Variants in DOCK5 observed in about 807,000 individuals in gnomAD.
DOCK5 encodes dedicator of cytokinesis protein 5.
Under a neutral mutation model 251.8 loss-of-function variants are expected in DOCK5, and 142 were observed. The ratio of observed to expected loss-of-function variants is 0.56; its 90% CI spans 0.49 to 0.65. The LOEUF (loss-of-function observed/expected upper bound fraction) is 0.65, where lower values mean the gene tolerates loss of function less well. Among genes scored for constraint, DOCK5 ranks in the 30% least tolerant of loss-of-function variants. DOCK5 has a pLI of 0.00. For missense variants in DOCK5, 2,111 were observed against 2,312.3 expected (o/e 0.91, Z 1.79); for synonymous variants, 842 against 835.5 (o/e 1.01, Z -0.13).
intron 1 of DOCK5, among the ~76,000 whole-genome samples, chr8:25,229,472 C>A (rs1427895394): frequency 7.3e-6 from 1 of 137,476 alleles, no homozygotes; most frequent in Non-Finnish European, 1.7e-5. Context: ...CAAAGCTAGA[C>A]TCTGTATCAA....
chr8:25,264,171 T>C (rs1220956559), intron 2 of DOCK5, among the ~76,000 whole-genome samples: 2 of 151,560 alleles, frequency 1.3e-5, no homozygotes, highest in African/African-American at 4.9e-5. Context: ...GAGACCAGCC[T>C]GACAGCATGG....
chr8:25,358,115 A>C (rs533311648), intron 27 of DOCK5, among the ~76,000 whole-genome samples: 67 of 152,288 alleles, frequency 4.4e-4, no homozygotes, highest in African/African-American at 1.6e-3. Context: ...GTCCGTTCTC[A>C]TGCTGCTAAT....
chr8:25,259,046 G>T (rs918970267), intron 2 of DOCK5, among the ~76,000 whole-genome samples: 8 of 152,212 alleles, frequency 5.3e-5, no homozygotes, highest in African/African-American at 1.9e-4. Flanking sequence ...TTGAGCCCGG[G>T]GGGGCGGAGG....
chr8:25,363,585 A>T (rs2117271702), intron 29 of DOCK5, among the ~76,000 whole-genome samples: 1 of 152,332 alleles, frequency 6.6e-6, no homozygotes, highest in Admixed American at 6.5e-5. Flanking sequence ...CTTGCTTTAC[A>T]TATTTAAAAA....
intron 1 of DOCK5, among the ~76,000 whole-genome samples, chr8:25,241,444 C>T (rs922884082): frequency 6.6e-5 from 10 of 151,762 alleles, no homozygotes; most frequent in Non-Finnish European, 1.5e-4. Context: ...CTCCACTGCA[C>T]TCCAGCCTGG....
At chr8:25,260,201 G>T (rs139389700) in intron 2 of DOCK5, among the ~76,000 whole-genome samples, 1 of 151,814 alleles carries the variant, frequency 6.6e-6, no homozygotes, top group African/African-American at 2.4e-5. Flanking sequence ...GGATATGCCC[G>T]TGGAAACCTG....
At chr8:25,235,871 C>T (rs933747329) in intron 1 of DOCK5, among the ~76,000 whole-genome samples, 10 of 145,508 alleles carry the variant, frequency 6.9e-5, no homozygotes, top group Non-Finnish European at 3.0e-5. Context: ...GATCTCAGCT[C>T]ACTGCAACCT....
At chr8:25,260,838 C>T (rs1803558179) in intron 2 of DOCK5, among the ~76,000 whole-genome samples, 1 of 151,672 alleles carries the variant, frequency 6.6e-6, no homozygotes, top group South Asian at 2.1e-4. Flanking sequence ...CTCTGTTGCC[C>T]AGGCTGGAGT....
At chr8:25,267,820 G>A (rs774217937) in intron 2 of DOCK5, among the ~76,000 whole-genome samples, 2 of 152,018 alleles carry the variant, frequency 1.3e-5, no homozygotes, top group Non-Finnish European at 2.9e-5. Context: ...CTCTCCACAA[G>A]ATAGAGGGTT....
At chr8:25,377,538 C>T (rs1800985642) in intron 38 of DOCK5, 114 bp downstream of exon 38, 7 of 1,328,312 alleles carry the variant, frequency 5.3e-6, no homozygotes, top group Non-Finnish European at 7.0e-6. Flanking sequence ...GTTCAGGGCA[C>T]TGTCTCCAAC....
intron 5 of DOCK5, among the ~76,000 whole-genome samples, chr8:25,280,196 T>C (rs1213425590): frequency 2.0e-5 from 3 of 152,222 alleles, no homozygotes; most frequent in African/African-American, 4.8e-5. Context: ...GAATGTATAT[T>C]CTCTCGTTAG....
At position 25,412,216 on chromosome 8, in the gene DOCK5, T is replaced by A. The variant is rs996948636; in HGVS notation, c.*918T>A. 3 of 151,574 alleles carry A rather than the reference T, an allele frequency of 2.0e-5. No homozygotes were observed. The highest frequency in any genetic ancestry group is 4.4e-5 in the Non-Finnish European group (3 of 67,956). 9.4% of individuals were successfully genotyped at this position (151,574 alleles called of 1,614,324 possible). A position where few individuals can be genotyped will look rare whatever the true frequency, so the allele number is the denominator to read the frequency against. ...TGACTCAGCAGCCGCATCTGCTACC[T>A]GATTTTATCCTGGAGAATACAGTGC... On this transcript the variant is annotated 3_prime_UTR_variant, in exon 52 of 52. Coordinates refer to ENST00000276440, the MANE Select transcript of DOCK5 (RefSeq NM_024940.8).
chr8:25,194,012 A>G (rs1441572474), intron 1 of DOCK5, among the ~76,000 whole-genome samples: 1 of 151,710 alleles, frequency 6.6e-6, no homozygotes, highest in Non-Finnish European at 1.5e-5. Flanking sequence ...GAAGCCGGGC[A>G]TGGTGGCTCA....
intron 5 of DOCK5, among the ~76,000 whole-genome samples, chr8:25,285,147 T>A (rs1804299014): frequency 6.6e-6 from 1 of 150,422 alleles, no homozygotes; most frequent in South Asian, 2.1e-4. Flanking sequence ...GTGAATTTAT[T>A]ATTATTTTTT....
intron 1 of DOCK5, among the ~76,000 whole-genome samples, chr8:25,206,470 AT>A (rs1033979109): frequency 6.6e-6 from 1 of 152,220 alleles, no homozygotes; most frequent in Admixed American, 6.5e-5. Context: ...AGCTCACAGA[AT>A]TCCTGAAAAT....
At chr8:25,257,875 A>G (rs1803459368) in intron 2 of DOCK5, among the ~76,000 whole-genome samples, 1 of 152,192 alleles carries the variant, frequency 6.6e-6, no homozygotes, top group Non-Finnish European at 1.5e-5. Context: ...TGACAAAACC[A>G]CATGCTACCT....
intron 27 of DOCK5, among the ~76,000 whole-genome samples, chr8:25,354,403 A>C (rs988253851): frequency 2.6e-5 from 4 of 152,230 alleles, no homozygotes; most frequent in African/African-American, 9.7e-5. Flanking sequence ...ACTTGAATTC[A>C]AATTTCCTGA....
chr8:25,266,840 T>TA (rs34210893), intron 2 of DOCK5, among the ~76,000 whole-genome samples: 28 of 150,430 alleles, frequency 1.9e-4, no homozygotes, highest in African/African-American at 6.6e-4. Context: ...CATAGGAGGT[T>TA]AAAAAAAAAA....
Position 25,408,007 on chromosome 8 carries a change from G to T in DOCK5, c.5118G>T (p.Glu1706Asp). ...GCTCAATCTTGGAGCCACTTTTGGA[G>T]CGCAGGGCCTCGTCAGGTGCCAGAG... ...SDGSILEPLLERRASSGARVE... is the reference protein window; with the variant it reads ...SDGSILEPLLDRRASSGARVE... Residue 1706 changes from glutamate (E) to aspartate (D), a missense_variant, in exon 49 of 52, where the codon GAG (glutamate) becomes GAT (aspartate). By Grantham distance (45) the Glu-to-Asp change is conservative. Around this residue, in one of 3 missense-constraint regions of DOCK5, gnomAD observed 1,717 missense variants for 1,892.4 expected, o/e 0.91. Coordinates refer to ENST00000276440, the MANE Select transcript of DOCK5 (RefSeq NM_024940.8). The T allele has an allele frequency of 1.2e-6, 2 of 1,612,970 alleles. No individual in the cohort carries two copies. The highest frequency in any genetic ancestry group is 4.5e-5 in the East Asian group (2 of 44,866).
Sources: allele counts gnomAD v4.1 joint callset (sites outside exome capture counted in the v4.1 genomes callset), GRCh38; gene constraint gnomAD v4.1.1; regional missense constraint gnomAD v4.1.1; transcripts MANE v1.5; gene names NCBI Gene and HGNC (gene_info 2026-07-23, HGNC 2026-07-21).